HERPUD2: variants seen among roughly 807,000 people sequenced by gnomAD.
HERPUD2 encodes the protein homocysteine-responsive endoplasmic reticulum-resident ubiquitin-like domain member 2 protein.
HERPUD2 carries 13 observed loss-of-function variants against 49.9 expected under a neutral mutation model. The observed-to-expected ratio is 0.26, with a 90% CI of 0.17 to 0.41. The LOEUF is 0.41. HERPUD2 is among the 10% of genes least tolerant of loss of function. The pLI, the probability that HERPUD2 is intolerant of heterozygous loss-of-function variation, is 1.00. For synonymous variants in HERPUD2, 172 were observed against 171.4 expected (o/e 1.00, Z -0.03); for missense variants, 449 against 492.2 (o/e 0.91, Z 0.83).
chr7:35,651,418 A>G (rs1033592472), intron 5 of HERPUD2, among the ~76,000 whole-genome samples: 1 of 152,140 alleles, frequency 6.6e-6, no homozygotes, highest in African/African-American at 2.4e-5. Context: ...GCAAAACTTC[A>G]CCACAGCCTC....
intron 5 of HERPUD2, among the ~76,000 whole-genome samples, chr7:35,640,344 T>C (rs1784950583): frequency 6.6e-6 from 1 of 152,162 alleles, no homozygotes; most frequent in South Asian, 2.1e-4. Flanking sequence ...GTCAAACAAG[T>C]CTGTTACTTC....
chr7:35,675,242 G>T (rs10261222), intron 2 of HERPUD2, among the ~76,000 whole-genome samples: 98,113 of 152,046 alleles, frequency 0.65, 32,846 homozygotes, highest in African/African-American at 0.83. Context: ...CACATTTTGG[G>T]GACCAGACAT....
chr7:35,672,713 T>C (rs140084432), intron 3 of HERPUD2, among the ~76,000 whole-genome samples: 22 of 152,200 alleles, frequency 1.4e-4, no homozygotes, highest in South Asian at 6.2e-4. Context: ...ATTGAAAATA[T>C]TGAAATATAA....
intron 5 of HERPUD2, among the ~76,000 whole-genome samples, chr7:35,649,604 T>C (rs1174022962): frequency 6.6e-6 from 1 of 152,112 alleles, no homozygotes; most frequent in Non-Finnish European, 1.5e-5. Context: ...GAAATATATA[T>C]TGGTTTGGTC....
intron 5 of HERPUD2, among the ~76,000 whole-genome samples, chr7:35,641,339 GA>G (rs1378040687): frequency 6.6e-6 from 1 of 151,824 alleles, no homozygotes; most frequent in Non-Finnish European, 1.5e-5. Flanking sequence ...TTGCTCTATG[GA>G]AAAAAAATTC....
intron 5 of HERPUD2, among the ~76,000 whole-genome samples, chr7:35,665,246 T>C (rs1297104575): frequency 6.6e-6 from 1 of 152,228 alleles, no homozygotes; most frequent in African/African-American, 2.4e-5. Context: ...GAGGCCTCCT[T>C]GAGCTGAGGT....
intron 5 of HERPUD2, among the ~76,000 whole-genome samples, chr7:35,655,548 A>T (rs1157021831): frequency 1.3e-5 from 2 of 152,198 alleles, no homozygotes; most frequent in Non-Finnish European, 2.9e-5. Context: ...TCTCAACATA[A>T]AAAAGACCAT....
At chr7:35,693,404 G>T (rs559632468) in intron 2 of HERPUD2, among the ~76,000 whole-genome samples, 1 of 152,124 alleles carries the variant, frequency 6.6e-6, no homozygotes, top group East Asian at 1.9e-4. Flanking sequence ...TAGTAACCTT[G>T]AAAGTATAAT....
At chr7:35,676,016 T>G (rs1785751875) in intron 2 of HERPUD2, among the ~76,000 whole-genome samples, 1 of 152,216 alleles carries the variant, frequency 6.6e-6, no homozygotes, top group Admixed American at 6.5e-5. Context: ...ATAATAACCA[T>G]AATGTTACCA....
chr7:35,668,632 A>C (rs1262043050), intron 4 of HERPUD2: 1 of 154,756 alleles, frequency 6.5e-6, no homozygotes, highest in East Asian at 1.9e-4. Flanking sequence ...GTCTTTTGCA[A>C]AACAGTCCAC....
chr7:35,645,767 C>T (rs1445005015), intron 5 of HERPUD2, among the ~76,000 whole-genome samples: 2 of 152,134 alleles, frequency 1.3e-5, no homozygotes, highest in African/African-American at 4.8e-5. Context: ...TTAAAATAAA[C>T]ACACATATAC....
At chr7:35,665,555 C>G (rs1785519451) in intron 5 of HERPUD2, among the ~76,000 whole-genome samples, 1 of 152,246 alleles carries the variant, frequency 6.6e-6, no homozygotes, top group Non-Finnish European at 1.5e-5. Flanking sequence ...TCCCCGACCC[C>G]TTGCGCTTCC....
At chr7:35,682,343 GTGTGTGTGTGTGTGTA>G (rs1342531375) in intron 2 of HERPUD2, among the ~76,000 whole-genome samples, 2,627 of 37,680 alleles carry the variant, frequency 0.07, 505 homozygotes, top group Non-Finnish European at 0.087. Context: ...GTGTGTGTGT[GTGTGTGTGTGTGTGTA>G]TATATATATA....
At chr7:35,663,706 G>A (rs1246231206) in intron 5 of HERPUD2, among the ~76,000 whole-genome samples, 1 of 152,126 alleles carries the variant, frequency 6.6e-6, no homozygotes, top group Non-Finnish European at 1.5e-5. Flanking sequence ...TTTTATCAGA[G>A]ACTAGGACTG....
At chr7:35,667,239 A>G (rs932261252) in intron 5 of HERPUD2, among the ~76,000 whole-genome samples, 195 bp downstream of exon 5, 3 of 152,208 alleles carry the variant, frequency 2.0e-5, no homozygotes, top group Non-Finnish European at 4.4e-5. Flanking sequence ...GCACTGCCCT[A>G]CATGATTCTC....
intron 5 of HERPUD2, among the ~76,000 whole-genome samples, chr7:35,663,994 G>A (rs1301865844): frequency 1.3e-5 from 2 of 152,110 alleles, no homozygotes; most frequent in African/African-American, 4.8e-5. Context: ...AGTATAGATG[G>A]TCTTTACAAT....
rs1160787114 is a variant in HERPUD2 at position 35,674,398 on chromosome 7, TATATATAGAGAGAGAGAGAGAGAG to T, written c.148-1144_148-1121del. ...TACAACCTATATATATATATATATA[TATATATAGAGAGAGAGAGAGAGAG>T]AGAGAGAGAGAGAGAGAGAGAGAGA... On this transcript the variant is annotated intron_variant, in intron 2 of 8. Transcript: ENST00000311350. Among the ~76,000 whole-genome samples, 18 of 61,372 alleles carry T rather than the reference TATATATAGAGAGAGAGAGAGAGAG, an allele frequency of 2.9e-4. No homozygotes were observed. The South Asian group carries it at 9.2e-3, about 31-fold the overall frequency. The allele number at this position is 61,372 out of a possible 152,430, so 40.3% of individuals were successfully genotyped here.
At chr7:35,674,391 A>ATG (rs1785706831) in intron 2 of HERPUD2, among the ~76,000 whole-genome samples, 1 of 56,304 alleles carries the variant, frequency 1.8e-5, no homozygotes, top group Non-Finnish European at 3.3e-5. Flanking sequence ...ATATATATAT[A>ATG]TATATATATA....
In HERPUD2 at chr7:35,682,355, GTGTATATA is replaced by G. The variant is rs1305160534; in HGVS notation, c.148-9085_148-9078del. Among the ~76,000 whole-genome samples the G allele has an allele frequency of 5.4e-3, 165 of 30,364 alleles. 28 individuals are homozygous for G. Among genetic ancestry groups the G allele is most frequent in the South Asian group, 0.043 (29 of 676 alleles). The allele number at this position is 30,364 out of a possible 152,430, so 19.9% of individuals were successfully genotyped here. On this transcript the variant is annotated intron_variant, in intron 2 of 8. Coordinates refer to ENST00000311350, the MANE Select transcript of HERPUD2 (RefSeq NM_022373.5). ...TGTGTGTGTGTGTGTGTGTGTGTGT[GTGTATATA>G]TATATATATATATATATATATATAC...
Sources: gnomAD v4.1 joint callset for allele counts (sites outside exome capture counted in the v4.1 genomes callset) on GRCh38, gnomAD v4.1.1 for gene constraint, MANE v1.5 for transcripts, NCBI Gene and HGNC (gene_info 2026-07-23, HGNC 2026-07-21) for gene names.